Variants in NAALADL2 observed in about 807,000 individuals in gnomAD.
NAALADL2 encodes the protein N-acetylated alpha-linked acidic dipeptidase like 2.
Under a neutral mutation model 87.2 loss-of-function variants are expected in NAALADL2, and 76 were observed. That is an observed-to-expected ratio of 0.87 (90% CI 0.72 to 1.05). The LOEUF (loss-of-function observed/expected upper bound fraction) is 1.05, where lower values mean the gene tolerates loss of function less well. NAALADL2 is among the 50% of genes least tolerant of loss of function. The probability of loss-of-function intolerance (pLI) is 0.00; values close to 1 mark genes in which losing one functional copy is unlikely to be tolerated. For missense variants in NAALADL2, 1,089 were observed against 945.8 expected (o/e 1.15, Z -1.99); for synonymous variants, 354 against 331.0 (o/e 1.07, Z -0.75).
chr3:174,515,980 G>GA (rs1367796411), intron 1 of NAALADL2, among the ~76,000 whole-genome samples: 1 of 151,932 alleles, frequency 6.6e-6, no homozygotes, highest in African/African-American at 2.4e-5. Context: ...CATGAATAGA[G>GA]AAAAAATGGC....
intron 9 of NAALADL2, among the ~76,000 whole-genome samples, chr3:175,523,592 AGAAGC>A (rs1399619366): frequency 6.6e-6 from 1 of 152,238 alleles, no homozygotes; most frequent in Admixed American, 6.5e-5. Flanking sequence ...TTACTTCTCT[AGAAGC>A]GAAGCAATGG....
At chr3:174,897,578 T>C (rs1731707644) in intron 1 of NAALADL2, among the ~76,000 whole-genome samples, 1 of 152,118 alleles carries the variant, frequency 6.6e-6, no homozygotes, top group African/African-American at 2.4e-5. Context: ...GGAATATAAA[T>C]TAGTACAATC....
At chr3:175,064,879 TA>T (rs997016680) in intron 1 of NAALADL2, among the ~76,000 whole-genome samples, 1 of 152,184 alleles carries the variant, frequency 6.6e-6, no homozygotes, top group African/African-American at 2.4e-5. Flanking sequence ...AAACTCCAAC[TA>T]AACTGGCTTG....
chr3:175,653,421 C>T (rs555892569), intron 11 of NAALADL2, among the ~76,000 whole-genome samples: 1 of 152,268 alleles, frequency 6.6e-6, no homozygotes, highest in East Asian at 1.9e-4. Context: ...TTTTCTGGAA[C>T]TGCTTCTTCT....
chr3:175,465,710 A>T (rs1314541079), intron 7 of NAALADL2, among the ~76,000 whole-genome samples: 1 of 152,058 alleles, frequency 6.6e-6, no homozygotes, highest in Admixed American at 6.5e-5. Context: ...TGACCTCGTG[A>T]TCCACCTGTC....
At chr3:175,295,578 G>T (rs903001646) in intron 4 of NAALADL2, among the ~76,000 whole-genome samples, 1 of 152,044 alleles carries the variant, frequency 6.6e-6, no homozygotes, top group Non-Finnish European at 1.5e-5. Flanking sequence ...CTGTGCTTCT[G>T]TTTCACAAGT....
At chr3:175,558,098 G>C (rs1715601946) in intron 9 of NAALADL2, among the ~76,000 whole-genome samples, 1 of 151,010 alleles carries the variant, frequency 6.6e-6, no homozygotes, top group African/African-American at 2.4e-5. Context: ...GGGAGGCTGA[G>C]GCAGGAGAAT....
At chr3:174,773,701 A>G (rs1578869697) in intron 3 of NAALADL2, among the ~76,000 whole-genome samples, 1 of 152,178 alleles carries the variant, frequency 6.6e-6, no homozygotes, top group South Asian at 2.1e-4. Context: ...AAAGCTTTCC[A>G]TCAACACTTA....
intron 2 of NAALADL2, among the ~76,000 whole-genome samples, chr3:175,219,899 G>A (rs1373733446): frequency 6.9e-6 from 1 of 144,558 alleles, no homozygotes; most frequent in Non-Finnish European, 1.5e-5. Context: ...CTTTCAACAA[G>A]TGTATTTGAT....
At chr3:174,755,809 A>C (rs1711976471) in intron 3 of NAALADL2, among the ~76,000 whole-genome samples, 1 of 152,226 alleles carries the variant, frequency 6.6e-6, no homozygotes, top group Non-Finnish European at 1.5e-5. Context: ...ACTTCTATTC[A>C]AAATATCTAC....
At chr3:175,761,419 T>C (rs1334172377) in intron 13 of NAALADL2, among the ~76,000 whole-genome samples, 4 of 152,240 alleles carry the variant, frequency 2.6e-5, no homozygotes, top group African/African-American at 9.6e-5. Flanking sequence ...GGCATTTTTG[T>C]TGCTTTCAAG....
chr3:175,280,347 C>T (rs1190246035), intron 4 of NAALADL2, among the ~76,000 whole-genome samples: 1 of 152,114 alleles, frequency 6.6e-6, no homozygotes, highest in East Asian at 1.9e-4. Context: ...TACTGCCCCT[C>T]CTTCCCTTAC....
At chr3:175,710,649 G>A (rs1021851996) in intron 11 of NAALADL2, among the ~76,000 whole-genome samples, 5 of 150,558 alleles carry the variant, frequency 3.3e-5, no homozygotes, top group African/African-American at 1.2e-4. Flanking sequence ...GCACAATGAG[G>A]GTATGGAAGA....
At chr3:174,736,215 C>T (rs1045923617) in intron 2 of NAALADL2, among the ~76,000 whole-genome samples, 1 of 152,122 alleles carries the variant, frequency 6.6e-6, no homozygotes, top group Non-Finnish European at 1.5e-5. Flanking sequence ...TCTTTCTTTT[C>T]TCCTTCTTGT....
chr3:175,167,186 C>A (rs1288124563), intron 2 of NAALADL2, among the ~76,000 whole-genome samples: 2 of 151,970 alleles, frequency 1.3e-5, no homozygotes, highest in African/African-American at 4.8e-5. Context: ...CTCAATTCAG[C>A]CATTCATTGT....
At position 175,755,244 on chromosome 3, in the gene NAALADL2, T is replaced by A; in HGVS notation, c.2015T>A (p.Leu672Gln). 1.2e-6 allele frequency: 2 copies of A among 1,613,254 alleles called. No homozygotes were observed. Among genetic ancestry groups the A allele is most frequent in the Non-Finnish European group, 1.7e-6 (2 of 1,179,744 alleles). The change falls in exon 13 of 14, where the codon CTG becomes CAG. Residue 672 changes from leucine (L) to glutamine (Q), a missense_variant. Leu to Gln is a moderately radical substitution (Grantham distance 113). Transcript: ENST00000454872. The stretch of plus-strand genomic sequence containing the variant: ...GGTGATCAACCCAACACTCATCAAC[T>A]GTTAGCCATGGCGTTACGCCTGCGG... ...LKGDQPNTHQ[L>Q]LAMALRLRES...
At chr3:174,695,406 A>G (rs1728931039) in intron 2 of NAALADL2, among the ~76,000 whole-genome samples, 1 of 151,998 alleles carries the variant, frequency 6.6e-6, no homozygotes, top group African/African-American at 2.4e-5. Flanking sequence ...CCTGAACCAT[A>G]GACATAAGAT....
chr3:175,108,144 A>G (rs1723546088), intron 2 of NAALADL2, among the ~76,000 whole-genome samples: 1 of 151,228 alleles, frequency 6.6e-6, no homozygotes, highest in Non-Finnish European at 1.5e-5. Context: ...AACATGATGT[A>G]GTAATGAATT....
intron 11 of NAALADL2, among the ~76,000 whole-genome samples, chr3:175,641,595 C>T (rs1377556759): frequency 1.3e-5 from 2 of 152,172 alleles, no homozygotes; most frequent in Non-Finnish European, 2.9e-5. Flanking sequence ...GTCTTCTAAG[C>T]TACTCCAACC....
Sources: gnomAD v4.1 joint callset for allele counts (sites outside exome capture counted in the v4.1 genomes callset) on GRCh38, gnomAD v4.1.1 for gene constraint, MANE v1.5 for transcripts, NCBI Gene and HGNC (gene_info 2026-07-23, HGNC 2026-07-21) for gene names.